MAPKAP1: variants seen among roughly 807,000 people sequenced by gnomAD.
The protein encoded by MAPKAP1 is MAPK associated protein 1, also known as target of rapamycin complex 2 subunit MAPKAP1.
MAPKAP1 carries 20 observed loss-of-function variants against 65.7 expected under a neutral mutation model. That is an observed-to-expected ratio of 0.30 (90% CI 0.21 to 0.44). The LOEUF (loss-of-function observed/expected upper bound fraction) is 0.44. Among genes scored for constraint, MAPKAP1 ranks in the 20% least tolerant of loss-of-function variants. The probability of loss-of-function intolerance (pLI) is 1.00; values close to 1 mark genes in which losing one functional copy is unlikely to be tolerated. For synonymous variants in MAPKAP1, 222 were observed against 244.3 expected, an observed-to-expected ratio of 0.91 and a Z score of 0.85; for missense variants, 423 against 648.0, an observed-to-expected ratio of 0.65 and a Z score of 3.77.
intron 7 of MAPKAP1, among the ~76,000 whole-genome samples, chr9:125,532,483 T>C (rs1829961005): frequency 6.6e-6 from 1 of 152,250 alleles, no homozygotes; most frequent in African/African-American, 2.4e-5. Flanking sequence ...TCTCTCTGCA[T>C]AGGCAGTAAT....
intron 3 of MAPKAP1, among the ~76,000 whole-genome samples, chr9:125,664,565 A>C (rs1406946701): frequency 6.6e-6 from 1 of 151,092 alleles, no homozygotes; most frequent in Admixed American, 6.6e-5. Context: ...TCTCTACTAA[A>C]AATACAAAAA....
intron 4 of MAPKAP1, among the ~76,000 whole-genome samples, chr9:125,605,868 G>C (rs1832425740): frequency 3.9e-5 from 6 of 152,234 alleles, no homozygotes; most frequent in Admixed American, 3.9e-4. Flanking sequence ...TTAGGAATAA[G>C]TAGGGAGCTA....
At chr9:125,641,852 TG>T (rs1388168330) in intron 4 of MAPKAP1, among the ~76,000 whole-genome samples, 8 of 150,838 alleles carry the variant, frequency 5.3e-5, no homozygotes, top group Non-Finnish European at 1.5e-5. Flanking sequence ...ACCAACATGG[TG>T]AAACCCCATC....
At chr9:125,482,376 G>C (rs982775759) in intron 9 of MAPKAP1, among the ~76,000 whole-genome samples, 1 of 152,128 alleles carries the variant, frequency 6.6e-6, no homozygotes, top group Non-Finnish European at 1.5e-5. Flanking sequence ...ATTTGTGAAT[G>C]TCATATAATA....
At chr9:125,684,784 C>T (rs149384393) in intron 1 of MAPKAP1, among the ~76,000 whole-genome samples, 16 of 152,274 alleles carry the variant, frequency 1.1e-4, no homozygotes, top group Non-Finnish European at 1.5e-4. Context: ...TGGGCTCAGG[C>T]GATCCTCCCA....
rs759064131 is a variant in MAPKAP1, at chr9:125,672,445, G to A, written c.130C>T (p.Pro44Ser). The A allele has an allele frequency of 1.2e-6, 2 of 1,614,136 alleles. No individual in the cohort carries two copies. The highest frequency in any genetic ancestry group is 2.2e-5 in the East Asian group (1 of 44,882). The change falls in exon 2 of 12, where the codon CCT becomes TCT. Residue 44 changes from proline (P) to serine (S), a missense_variant. This residue lies in a region of MAPKAP1 where 58 missense variants were observed against 56.9 expected (regional missense o/e 1.02). Coordinates refer to ENST00000265960, the MANE Select transcript of MAPKAP1 (RefSeq NM_001006617.3). ...GACCCACTGTCTCCAGGCATTGAAG[G>A]AGGATGAATCTTCTCTAGGTCAACA... ...HDVDLEKIHP[P>S]SMPGDSGSEI...
At chr9:125,440,613 C>T (rs533644490) in intron 11 of MAPKAP1, among the ~76,000 whole-genome samples, 39 of 152,238 alleles carry the variant, frequency 2.6e-4, no homozygotes, top group East Asian at 2.5e-3. Context: ...GAGATGGCAA[C>T]GCCTCAGATG....
intron 1 of MAPKAP1, among the ~76,000 whole-genome samples, chr9:125,689,431 T>C (rs1450885138): frequency 1.2e-4 from 9 of 75,380 alleles, no homozygotes; most frequent in African/African-American, 5.1e-4. Context: ...TGAGACTCCA[T>C]CTCGGAAAAA....
intron 4 of MAPKAP1, among the ~76,000 whole-genome samples, chr9:125,609,682 G>A (rs1401910184): frequency 2.0e-5 from 3 of 152,042 alleles, no homozygotes; most frequent in Non-Finnish European, 2.9e-5. Context: ...TTCTGACCCT[G>A]AGTGCCTTTC....
chr9:125,673,425 C>T (rs771632553), intron 1 of MAPKAP1, among the ~76,000 whole-genome samples: 1 of 152,118 alleles, frequency 6.6e-6, no homozygotes, highest in Non-Finnish European at 1.5e-5. Context: ...GGGGTTTCTC[C>T]ATGTTGGTCA....
intron 4 of MAPKAP1, among the ~76,000 whole-genome samples, chr9:125,623,010 C>T (rs995428982): frequency 6.6e-6 from 1 of 151,954 alleles, no homozygotes; most frequent in Admixed American, 6.5e-5. Flanking sequence ...GTTGGCCGGG[C>T]CGGTCTCCAG....
chr9:125,474,453 C>T (rs1854033560), intron 9 of MAPKAP1, among the ~76,000 whole-genome samples: 1 of 152,228 alleles, frequency 6.6e-6, no homozygotes, highest in Non-Finnish European at 1.5e-5. Flanking sequence ...CACATCCCCA[C>T]TGGTGTTATC....
intron 7 of MAPKAP1, among the ~76,000 whole-genome samples, chr9:125,538,208 G>GA (rs1332801273): frequency 1.2e-4 from 18 of 152,058 alleles, no homozygotes; most frequent in African/African-American, 4.1e-4. Flanking sequence ...ATCTCTCTTT[G>GA]GTTGCTGTGT....
intron 8 of MAPKAP1, among the ~76,000 whole-genome samples, chr9:125,500,798 T>C (rs1426253685): frequency 6.6e-6 from 1 of 152,210 alleles, no homozygotes; most frequent in South Asian, 2.1e-4. Flanking sequence ...ACCACTTTAT[T>C]TGTATAACAA....
At chr9:125,467,906 C>T (rs1853738904) in intron 10 of MAPKAP1, 66 bp downstream of exon 10, 1 of 1,544,410 alleles carries the variant, frequency 6.5e-7, no homozygotes, top group Admixed American at 1.9e-5. Flanking sequence ...TCTCCTGGCA[C>T]CCAGCACACA....
intron 4 of MAPKAP1, among the ~76,000 whole-genome samples, chr9:125,606,543 C>A (rs1832443798): frequency 2.0e-5 from 3 of 152,168 alleles, no homozygotes; most frequent in African/African-American, 7.2e-5. Context: ...TATAGGGAAA[C>A]TGAGATACTG....
At chr9:125,692,394 T>C (rs10819061) in intron 1 of MAPKAP1, among the ~76,000 whole-genome samples, 144,387 of 152,338 alleles carry the variant, frequency 0.95, 68,524 homozygotes, top group East Asian at 1. Context: ...TATTACATTA[T>C]ATCAAAGGCC....
At chr9:125,609,919 C>G (rs1002719232) in intron 4 of MAPKAP1, among the ~76,000 whole-genome samples, 17 of 152,138 alleles carry the variant, frequency 1.1e-4, no homozygotes, top group Non-Finnish European at 1.5e-5. Context: ...TTCAAAACAG[C>G]CCCCACTTAC....
chr9:125,477,557 G>A (rs1854156417), intron 9 of MAPKAP1, among the ~76,000 whole-genome samples: 1 of 152,218 alleles, frequency 6.6e-6, no homozygotes, highest in Non-Finnish European at 1.5e-5. Context: ...ACTGCCCCGA[G>A]GTGCTCTGCA....
Sources: gnomAD v4.1 joint callset for allele counts (sites outside exome capture counted in the v4.1 genomes callset) on GRCh38, gnomAD v4.1.1 for gene constraint, gnomAD v4.1.1 regional missense constraint, MANE v1.5 for transcripts, NCBI Gene and HGNC (gene_info 2026-07-23, HGNC 2026-07-21) for gene names.